The following RASSF2 variants were observed in gnomAD, a reference collection of about 807,000 sequenced individuals.
RASSF2 encodes the protein Ras association domain family member 2, also known as ras association domain-containing protein 2.
RASSF2 carries 34 observed loss-of-function variants against 46.3 expected under a neutral mutation model. That is an observed-to-expected ratio of 0.73 (90% CI 0.56 to 0.98). The LOEUF (loss-of-function observed/expected upper bound fraction) is 0.98. Ranked by LOEUF, RASSF2 falls within the 50% of genes least tolerant of loss-of-function variation. The pLI is 0.00. For synonymous variants in RASSF2, 158 were observed against 162.5 expected (o/e 0.97, Z 0.21); for missense variants, 364 against 431.2 (o/e 0.84, Z 1.38).
rs554646883 is a variant in RASSF2 at position 4,795,988 on chromosome 20, T to C, written c.136-22A>G. Reference sequence around the variant, plus strand: ...CTTCCTGCCCACAAAGCAATCAGAGTAGTGAGCCTAGAAAAGCCCCCACAG... The same window carrying C: ...CTTCCTGCCCACAAAGCAATCAGAGCAGTGAGCCTAGAAAAGCCCCCACAG... On this transcript the variant is annotated intron_variant, in intron 4 of 11. Transcript: ENST00000379400. This position sits in a 1 kb window ranked among gnomAD's most constrained non-coding sequence, Gnocchi z 4.0. 4.7e-6 allele frequency: 7 copies of C among 1,481,452 alleles called. No individual in the cohort carries two copies. Among genetic ancestry groups the C allele is most frequent in the East Asian group, 5.1e-5 (2 of 39,286 alleles). 91.8% of individuals were successfully genotyped at this position (1,481,452 alleles called of 1,614,324 possible). A position where few individuals can be genotyped will look rare whatever the true frequency, so the allele number is the denominator to read the frequency against.
intron 2 of RASSF2, among the ~76,000 whole-genome samples, chr20:4,821,616 C>T (rs184337233): frequency 2.0e-5 from 3 of 152,336 alleles, no homozygotes; most frequent in Admixed American, 2.0e-4. Context: ...ACCTCTGCTC[C>T]TCCATCTGCT....
intron 2 of RASSF2, among the ~76,000 whole-genome samples, chr20:4,803,492 G>C (rs1927065093): frequency 6.6e-6 from 1 of 152,174 alleles, no homozygotes; most frequent in Non-Finnish European, 1.5e-5. Flanking sequence ...GGTGGTTCAT[G>C]CCCGTGACTG....
At chr20:4,816,356 C>T (rs1296862763) in intron 2 of RASSF2, among the ~76,000 whole-genome samples, 1 of 152,110 alleles carries the variant, frequency 6.6e-6, no homozygotes, top group African/African-American at 2.4e-5. Flanking sequence ...TTAGTATCCA[C>T]AAAAGGACAA....
At chr20:4,797,404 C>A (rs577352866) in intron 4 of RASSF2, among the ~76,000 whole-genome samples, 6 of 152,130 alleles carry the variant, frequency 3.9e-5, no homozygotes, top group Non-Finnish European at 8.8e-5. Flanking sequence ...CAGTCACAGG[C>A]GCTTGAGTAT....
chr20:4,784,285 TG>T lies in RASSF2; in HGVS notation c.968del (p.Pro323GlnfsTer7), dbSNP rs777165840. 3 of 1,613,810 alleles carry T rather than the reference TG, an allele frequency of 1.9e-6. No homozygotes were observed. The highest frequency in any genetic ancestry group is 8.5e-7 in the Non-Finnish European group (1 of 1,179,758). On this transcript the variant is annotated frameshift_variant, in exon 12 of 12. Coordinates refer to ENST00000379400, the MANE Select transcript of RASSF2 (RefSeq NM_014737.3). LOFTEE classifies it high-confidence loss of function. ...TCGTTCTCATGGCTCAGATTGTTGC[TG>T]GGGTCTCGGCTATCTCCTCCAGCCT... Reference protein sequence around the residue: ...RQRLEEIAETPATI With the variant: ...RQRLEEIAETXATI
rs980777027 is a variant in RASSF2, at chr20:4,781,505, G to C, written c.*2768C>G. 6.6e-6 allele frequency: 1 copy of C among 152,150 alleles called. No individual in the cohort carries two copies. Among genetic ancestry groups the C allele is most frequent in the African/African-American group, 2.4e-5 (1 of 41,410 alleles). The allele number at this position is 152,150 out of a possible 1,614,324, so 9.4% of individuals were successfully genotyped here. ...CACGTTCTTCACCAATACGTACAGG[G>C]AAGACTATCTTTTGTGCTTTTCAGC... On this transcript the variant is annotated 3_prime_UTR_variant, in exon 12 of 12. Transcript: ENST00000379400.
At chr20:4,822,108 A>G (rs1208421402) in intron 2 of RASSF2, among the ~76,000 whole-genome samples, 3 of 152,270 alleles carry the variant, frequency 2.0e-5, no homozygotes, top group East Asian at 1.9e-4. Context: ...ATGTGGATTT[A>G]TTAGTAAAAT....
In RASSF2 at chr20:4,795,266, CT is replaced by C. The variant is rs1926239509; in HGVS notation, c.287+548del. On this transcript the variant is annotated intron_variant, in intron 5 of 11. Transcript: ENST00000379400. This position sits in a 1 kb window ranked among gnomAD's most constrained non-coding sequence, Gnocchi z 4.0. ...CTACCACCATCTCACCAAACCCTGG[CT>C]CCCCGTATGGTCTGCAGGGAGCAGA... The C allele has an allele frequency of 6.6e-6, 1 of 152,392 alleles. No individual in the cohort carries two copies. Among genetic ancestry groups the C allele is most frequent in the African/African-American group, 2.4e-5 (1 of 41,458 alleles). The allele number at this position is 152,392 out of a possible 1,614,324, so 9.4% of individuals were successfully genotyped here. A position where few individuals can be genotyped will look rare whatever the true frequency, so the allele number is the denominator to read the frequency against.
chr20:4,810,087 T>C (rs556068063), intron 2 of RASSF2, among the ~76,000 whole-genome samples: 5 of 152,308 alleles, frequency 3.3e-5, no homozygotes, highest in Admixed American at 1.3e-4. Flanking sequence ...AAGCAACTAC[T>C]GGGTCTGTCA....
chr20:4,804,353 C>CTTTTTTTTTTT (rs10659167), intron 2 of RASSF2, among the ~76,000 whole-genome samples: 6 of 118,712 alleles, frequency 5.1e-5, no homozygotes, highest in Admixed American at 1.0e-4. Flanking sequence ...AGAAAGCTTT[C>CTTTTTTTTTTT]TTTTTTTTTT....
chr20:4,806,454 C>CT lies in RASSF2; in HGVS notation c.-32-5393dup, dbSNP rs34283504. On this transcript the variant is annotated intron_variant, in intron 2 of 11. Coordinates refer to ENST00000379400, the MANE Select transcript of RASSF2 (RefSeq NM_014737.3). The stretch of plus-strand genomic sequence containing the variant: ...TCCCCTCTTCCTCCCATTCTTGGTT[C>CT]TTTTTTTTGAGACGGTGTCTGGTTC... 6.6e-5 allele frequency among the ~76,000 whole-genome samples: 10 copies of CT among 152,046 alleles called. 1 individual carries two copies. The East Asian group carries it at 1.4e-3, about 21-fold the overall frequency.
At chr20:4,796,325 G>A (rs1020097262) in intron 4 of RASSF2, among the ~76,000 whole-genome samples, 8 of 152,220 alleles carry the variant, frequency 5.3e-5, no homozygotes, top group Non-Finnish European at 1.2e-4. Context: ...GCAAGAACTG[G>A]AGTTAGCTAC....
intron 2 of RASSF2, among the ~76,000 whole-genome samples, chr20:4,811,325 TG>T (rs1424541008): frequency 8.1e-6 from 1 of 122,708 alleles, no homozygotes; most frequent in Admixed American, 7.7e-5. Context: ...CACTCCAGTC[TG>T]GGAGATGGAG....
chr20:4,799,839 T>C (rs1926708970), intron 3 of RASSF2, among the ~76,000 whole-genome samples: 2 of 152,202 alleles, frequency 1.3e-5, no homozygotes, highest in Admixed American at 1.3e-4. Context: ...CAGCTGGGTG[T>C]GGTGGCTCAC....
chr20:4,806,547 C>T (rs1205620677), intron 2 of RASSF2, among the ~76,000 whole-genome samples: 1 of 152,084 alleles, frequency 6.6e-6, no homozygotes, highest in Non-Finnish European at 1.5e-5. Flanking sequence ...TGGCCTCAAG[C>T]GATCCTCCCG....
chr20:4,819,344 C>T (rs1415321816), intron 2 of RASSF2, among the ~76,000 whole-genome samples: 2 of 152,068 alleles, frequency 1.3e-5, no homozygotes, highest in Admixed American at 1.3e-4. Context: ...GATCGTGAAA[C>T]AAGAATTCAA....
In RASSF2 at chr20:4,787,771, C is replaced by G. The variant is rs199539772; in HGVS notation, c.692-17G>C. The stretch of plus-strand genomic sequence containing the variant: ...TCTGTTTCTCTGCAACCACACACAC[C>G]CAGGAGCAGCCCTGAGAGGCCTTTC... On this transcript the variant is annotated splice_polypyrimidine_tract_variant and intron_variant, in intron 9 of 11. Transcript: ENST00000379400. The G allele has an allele frequency of 3.5e-5, 56 of 1,614,128 alleles. No homozygotes were observed. The highest frequency in any genetic ancestry group is 4.4e-5 in the Non-Finnish European group (52 of 1,180,026).
At chr20:4,805,397 G>T (rs1317826371) in intron 2 of RASSF2, among the ~76,000 whole-genome samples, 1 of 152,094 alleles carries the variant, frequency 6.6e-6, no homozygotes, top group East Asian at 1.9e-4. Flanking sequence ...CTTGAAGGCA[G>T]CTCACAAGCT....
chr20:4,796,343 C>G (rs1194367808), intron 4 of RASSF2, among the ~76,000 whole-genome samples: 1 of 152,218 alleles, frequency 6.6e-6, no homozygotes, highest in African/African-American at 2.4e-5. Flanking sequence ...TACGTCCCAT[C>G]CCCTACTACG....
Sources: gnomAD v4.1 joint callset for allele counts (sites outside exome capture counted in the v4.1 genomes callset) on GRCh38, gnomAD v4.1.1 for gene constraint, Gnocchi (gnomAD v3.1) non-coding constraint, MANE v1.5 for transcripts, NCBI Gene and HGNC (gene_info 2026-07-23, HGNC 2026-07-21) for gene names.